Variants in ACSM2B observed in about 807,000 individuals in gnomAD.
ACSM2B encodes the protein acyl-CoA synthetase medium chain family member 2B, also known as acyl-coenzyme A synthetase ACSM2B, mitochondrial.
A neutral mutation model predicts 78.6 loss-of-function variants in ACSM2B; 58 were observed. The ratio of observed to expected loss-of-function variants is 0.74; its 90% confidence interval spans 0.60 to 0.92. The LOEUF (loss-of-function observed/expected upper bound fraction) is 0.92. Ranked by LOEUF, ACSM2B falls within the 40% of genes least tolerant of loss-of-function variation. The probability of loss-of-function intolerance (pLI) is 0.00; values close to 1 mark genes in which losing one functional copy is unlikely to be tolerated. For missense variants in ACSM2B, 688 were observed against 711.2 expected (o/e 0.97, Z 0.37); for synonymous variants, 257 against 256.8 (o/e 1.00, Z -0.01).
intron 2 of ACSM2B, among the ~76,000 whole-genome samples, chr16:20,560,006 G>A (rs28768152): frequency 6.6e-6 from 1 of 150,484 alleles, no homozygotes; most frequent in Non-Finnish European, 1.5e-5. Flanking sequence ...TTAATTTTGT[G>A]GTAAAAATAC....
At chr16:20,550,070 C>T (rs1398562758) in intron 6 of ACSM2B, among the ~76,000 whole-genome samples, 6 of 152,032 alleles carry the variant, frequency 3.9e-5, no homozygotes, top group South Asian at 2.1e-4. Flanking sequence ...TGTCCCACTC[C>T]GACTTCCTGT....
intron 3 of ACSM2B, among the ~76,000 whole-genome samples, chr16:20,557,039 G>A (rs1416267519): frequency 1.3e-5 from 2 of 151,948 alleles, no homozygotes; most frequent in Non-Finnish European, 2.9e-5. Flanking sequence ...CTTTTAGTTG[G>A]GATTAGGCTG....
chr16:20,575,125 G>A (rs1480372126), intron 1 of ACSM2B, among the ~76,000 whole-genome samples: 1 of 151,526 alleles, frequency 6.6e-6, no homozygotes, highest in Non-Finnish European at 1.5e-5. Context: ...GTATTTTGGG[G>A]TCTAATCATA....
chr16:20,537,177 A>G lies in ACSM2B; in HGVS notation c.*81T>C, dbSNP rs2014864038. ...CATGTTCTTTCATAAAGAATCTCATATCATCATAGTAAGGCCAAGGGCCCA... is the reference window on the plus strand; with the variant it reads ...CATGTTCTTTCATAAAGAATCTCATGTCATCATAGTAAGGCCAAGGGCCCA... On this transcript the variant is annotated 3_prime_UTR_variant, in exon 14 of 14. Coordinates refer to ENST00000329697, the MANE Select transcript of ACSM2B (RefSeq NM_001105069.2). 2 of 1,506,582 alleles carry G rather than the reference A, an allele frequency of 1.3e-6. No homozygotes were observed. The highest frequency in any genetic ancestry group is 1.8e-5 in the Admixed American group (1 of 56,344). The allele number at this position is 1,506,582 out of a possible 1,614,324, so 93.3% of individuals were successfully genotyped here. A position where few individuals can be genotyped will look rare whatever the true frequency, so the allele number is the denominator to read the frequency against.
chr16:20,539,964 T>C (rs2014940352), intron 13 of ACSM2B, among the ~76,000 whole-genome samples: 1 of 152,192 alleles, frequency 6.6e-6, no homozygotes, highest in African/African-American at 2.4e-5. Context: ...CCCAGGACTT[T>C]TCAATTGCAT....
chr16:20,555,305 C>T lies in ACSM2B; in HGVS notation c.560G>A (p.Ser187Asn). 2 of 1,613,882 alleles carry T rather than the reference C, an allele frequency of 1.2e-6. No individual in the cohort carries two copies. The highest frequency in any genetic ancestry group is 1.7e-6 in the Non-Finnish European group (2 of 1,179,858). The change falls in exon 4 of 14, where the codon AGC becomes AAC. Residue 187 changes from serine (S) to asparagine (N), a missense_variant. By Grantham distance (46) the Ser-to-Asn change is conservative. Transcript: ENST00000329697. ...CTTGAAGTTCAGCCACCCATCGCAG[C>T]TTTTCTCAGACACCAGTAGCTTAAT... ...LRIKLLVSEKSCDGWLNFKKL... is the reference protein window; with the variant it reads ...LRIKLLVSEKNCDGWLNFKKL...
intron 10 of ACSM2B, among the ~76,000 whole-genome samples, chr16:20,544,370 G>A (rs1180742726): frequency 1.3e-5 from 2 of 152,182 alleles, no homozygotes; most frequent in Non-Finnish European, 2.9e-5. Flanking sequence ...GTAGAGCAGG[G>A]TTTTGAACTC....
chr16:20,552,131 G>T lies in ACSM2B; in HGVS notation c.894+13C>A. ...CACTCTGAATAACTGCTGCAAACTG[G>T]ATCCTCTCTTACCTTTAGAATAACC... On this transcript the variant is annotated intron_variant, in intron 6 of 13. Coordinates refer to ENST00000329697, the MANE Select transcript of ACSM2B (RefSeq NM_001105069.2). The T allele has an allele frequency of 6.3e-7, 1 of 1,585,720 alleles. No individual in the cohort carries two copies. Among genetic ancestry groups the T allele is most frequent in the Non-Finnish European group, 8.6e-7 (1 of 1,168,884 alleles).
intron 1 of ACSM2B, among the ~76,000 whole-genome samples, chr16:20,566,912 ATAGT>A (rs2015912459): frequency 8.5e-6 from 1 of 118,298 alleles, no homozygotes; most frequent in Admixed American, 1.2e-4. Flanking sequence ...ATATAATAGT[ATAGT>A]TATATATATC....
In ACSM2B at chr16:20,562,134, T is replaced by C. The variant is rs548710692; in HGVS notation, c.177+2535A>G. ...CCCTGATTTTAAGTTTTTTTTGGTG[T>C]ATACCCAGAGTTGGAATTGCTGAAT... On this transcript the variant is annotated intron_variant, in intron 2 of 13. Transcript: ENST00000329697. Among the ~76,000 whole-genome samples, 374 of 152,156 alleles carry C rather than the reference T, an allele frequency of 2.5e-3. 1 individual carries two copies. Among genetic ancestry groups the C allele is most frequent in the Non-Finnish European group, 4.4e-3 (298 of 68,006 alleles).
intron 10 of ACSM2B, chr16:20,544,540 A>C: frequency 1.0e-6 from 1 of 966,078 alleles, no homozygotes; most frequent in Non-Finnish European, 1.2e-6. Context: ...TATTTGATTT[A>C]TTATTTATTT....
rs747007856 is a variant in ACSM2B, at chr16:20,540,741, C to T, written c.1542G>A (p.Gln514=). 8 of 1,613,974 alleles carry T rather than the reference C, an allele frequency of 5.0e-6. No individual in the cohort carries two copies. In the African/African-American group the frequency reaches 1.1e-4, roughly 22 times the overall value. The change falls in exon 13 of 14, where the codon CAG becomes CAA. Residue 514 remains glutamine, a synonymous_variant. Coordinates refer to ENST00000329697, the MANE Select transcript of ACSM2B (RefSeq NM_001105069.2). The stretch of plus-strand genomic sequence containing the variant: ...GCTGTTCTGGGTCATGGGATAGGAA[C>T]TGCGAGGCCAGGATCACAAATGCCT... The part of the protein sequence containing the change: ...VVKAFVILAS[Q]FLSHDPEQLT...
intron 1 of ACSM2B, among the ~76,000 whole-genome samples, chr16:20,567,365 A>G (rs1477294668): frequency 1.7e-5 from 2 of 117,006 alleles, no homozygotes; most frequent in South Asian, 2.2e-4. Flanking sequence ...TATATTATAT[A>G]TTATATAATA....
chr16:20,562,372 C>T lies in ACSM2B; in HGVS notation c.177+2297G>A, dbSNP rs756945834. ...TAATGATGCAAAATCAAAGACAAAA[C>T]ATGTTAGCAATTTTATTAGCTATTT... On this transcript the variant is annotated intron_variant, in intron 2 of 13. Transcript: ENST00000329697. Among the ~76,000 whole-genome samples the T allele has an allele frequency of 3.1e-4, 47 of 152,062 alleles. 1 individual carries two copies. Among genetic ancestry groups the T allele is most frequent in the Non-Finnish European group, 3.7e-4 (25 of 68,008 alleles).
Position 20,546,385 on chromosome 16 carries a change from C to G in ACSM2B, c.1179+9G>C, listed in dbSNP as rs777883624. The G allele has an allele frequency of 1.9e-6, 3 of 1,589,264 alleles. No individual in the cohort carries two copies. The highest frequency in any genetic ancestry group is 2.2e-5 in the East Asian group (1 of 44,600). On this transcript the variant is annotated intron_variant, in intron 9 of 13. Transcript: ENST00000329697. ...CTAACTTCCTCCCTCCTCAGTGTCC[C>G]GAGCAAACCTGTACATCATAACAGG...
chr16:20,540,369 A>T (rs2014955765), intron 13 of ACSM2B, among the ~76,000 whole-genome samples: 1 of 151,690 alleles, frequency 6.6e-6, no homozygotes, highest in East Asian at 1.9e-4. Flanking sequence ...CAGCCTCCTG[A>T]GTAGCTGGGA....
intron 2 of ACSM2B, among the ~76,000 whole-genome samples, chr16:20,561,987 G>A (rs376099730): frequency 2.0e-5 from 3 of 148,798 alleles, no homozygotes; most frequent in South Asian, 2.1e-4. Context: ...TCCTTGCCAT[G>A]GTTTGCTGAG....
intron 2 of ACSM2B, among the ~76,000 whole-genome samples, chr16:20,561,399 C>T (rs1344951647): frequency 6.6e-6 from 1 of 151,014 alleles, no homozygotes; most frequent in Non-Finnish European, 1.5e-5. Flanking sequence ...GGAGCAGGTG[C>T]ATCACATGGC....
chr16:20,573,397 G>A (rs900510707), intron 1 of ACSM2B, among the ~76,000 whole-genome samples: 4 of 150,308 alleles, frequency 2.7e-5, no homozygotes, highest in Non-Finnish European at 5.9e-5. Context: ...GCAGCACAGA[G>A]TTTACCTCCT....
Sources: allele counts gnomAD v4.1 joint callset (sites outside exome capture counted in the v4.1 genomes callset), GRCh38; gene constraint gnomAD v4.1.1; transcripts MANE v1.5; gene names NCBI Gene and HGNC (gene_info 2026-07-23, HGNC 2026-07-21).